SLC41A1: variants seen among roughly 807,000 people sequenced by gnomAD.
SLC41A1 encodes solute carrier family 41 (magnesium transporter), member 1.
A neutral mutation model predicts 47.3 loss-of-function variants in SLC41A1; 20 were observed. The ratio of observed to expected loss-of-function variants is 0.42; its 90% CI spans 0.30 to 0.61. SLC41A1 has a LOEUF of 0.61. Among genes scored for constraint, SLC41A1 ranks in the 20% least tolerant of loss-of-function variants. SLC41A1 has a pLI of 0.17. For synonymous variants in SLC41A1, 282 were observed against 272.7 expected (o/e 1.03, Z -0.34); for missense variants, 504 against 674.1 (o/e 0.75, Z 2.79).
At position 205,810,530 on chromosome 1, in the gene SLC41A1, G is replaced by C; in HGVS notation, c.-89C>G. The C allele has an allele frequency of 6.2e-7, 1 of 1,605,474 alleles. No homozygotes were observed. The highest frequency in any genetic ancestry group is 8.5e-7 in the Non-Finnish European group (1 of 1,177,942). ...CTAACTTGGGAAAGAACTTAGTCTTGGGGTGAACCCAGGCTTGGGCGCCGC... is the reference window on the plus strand; with the variant it reads ...CTAACTTGGGAAAGAACTTAGTCTTCGGGTGAACCCAGGCTTGGGCGCCGC... On this transcript the variant is annotated 5_prime_UTR_variant, in exon 2 of 11. Transcript: ENST00000367137. The surrounding 1 kb of genome is among the most constrained non-coding windows in gnomAD (Gnocchi z 5.5).
Position 205,813,086 on chromosome 1 carries a change from G to A in SLC41A1, c.-925C>T, listed in dbSNP as rs956547160. Reference sequence around the variant, plus strand: ...ATATCGCTTCGGGCCCGGCGGGGGGGCACCCGGACGGGGGACCGGGGAGCC... The same window carrying A: ...ATATCGCTTCGGGCCCGGCGGGGGGACACCCGGACGGGGGACCGGGGAGCC... On this transcript the variant is annotated 5_prime_UTR_variant, in exon 1 of 11. Transcript: ENST00000367137. The A allele has an allele frequency of 4.6e-5, 45 of 985,396 alleles. No individual in the cohort carries two copies. The highest frequency in any genetic ancestry group is 5.2e-4 in the Middle Eastern group (1 of 1,938). The allele number at this position is 985,396 out of a possible 1,614,324, so 61.0% of individuals were successfully genotyped here. A position where few individuals can be genotyped will look rare whatever the true frequency, so the allele number is the denominator to read the frequency against.
At chr1:205,807,650 CTTTTTTTT>C (rs71152452) in intron 2 of SLC41A1, among the ~76,000 whole-genome samples, 5 of 98,518 alleles carry the variant, frequency 5.1e-5, no homozygotes, top group African/African-American at 1.5e-4. Context: ...CTCGTAGAGT[CTTTTTTTT>C]TTTTTTTTTT....
chr1:205,798,842 G>C (rs774793294), intron 5 of SLC41A1, 27 bp from the exon 6 acceptor site: 1 of 1,614,178 alleles, frequency 6.2e-7, no homozygotes, highest in Admixed American at 1.7e-5. Context: ...AGGAGGGGCA[G>C]GCAGGGTGAG....
At position 205,810,249 on chromosome 1, in the gene SLC41A1, C is replaced by T. The variant is rs755881998; in HGVS notation, c.193G>A (p.Ala65Thr). The T allele has an allele frequency of 2.5e-6, 4 of 1,614,220 alleles. No individual in the cohort carries two copies. The highest frequency in any genetic ancestry group is 3.4e-6 in the Non-Finnish European group (4 of 1,180,038). ...ANAKGVREEDALLENGSQSNE... is the reference protein window; with the variant it reads ...ANAKGVREEDTLLENGSQSNE... ...CTCTGGCTCCCGTTCTCCAGCAGGG[C>T]GTCCTCCTCCCGAACCCCCTTGGCG... Residue 65 changes from alanine to threonine, a missense_variant, in exon 2 of 11, where the codon GCC becomes ACC. Transcript: ENST00000367137. The surrounding 1 kb of genome is among the most constrained non-coding windows in gnomAD (Gnocchi z 5.5).
At chr1:205,799,201 C>G (rs538454271) in intron 4 of SLC41A1, 100 bp from the exon 5 acceptor site, 2 of 1,513,648 alleles carry the variant, frequency 1.3e-6, no homozygotes, top group East Asian at 2.3e-5. Context: ...CTGGCAGTAG[C>G]CCCAGGAGGC....
At chr1:205,805,893 C>A (rs1339700263) in intron 2 of SLC41A1, among the ~76,000 whole-genome samples, 2 of 152,222 alleles carry the variant, frequency 1.3e-5, no homozygotes, top group African/African-American at 4.8e-5. Flanking sequence ...CTGGCCTGAG[C>A]CACCTCAGGA....
intron 2 of SLC41A1, among the ~76,000 whole-genome samples, chr1:205,809,517 C>G (rs962637335): frequency 6.6e-6 from 1 of 152,194 alleles, no homozygotes; most frequent in African/African-American, 2.4e-5. Flanking sequence ...CCCACCCCCA[C>G]CCCCCAAGGG....
rs1465674941 is a variant in SLC41A1, at chr1:205,790,207, TACA to T, written c.*1323_*1325del. On this transcript the variant is annotated 3_prime_UTR_variant, in exon 11 of 11. Coordinates refer to ENST00000367137, the MANE Select transcript of SLC41A1 (RefSeq NM_173854.6). Reference sequence around the variant, plus strand: ...CTGGCTTGAAGTAGATGCAAATACTTACAACGAGGAAACTTTCTCTGCCAGATT... The same window carrying T: ...CTGGCTTGAAGTAGATGCAAATACTTACGAGGAAACTTTCTCTGCCAGATT... 2 of 152,242 alleles carry T rather than the reference TACA, an allele frequency of 1.3e-5. No homozygotes were observed. Among genetic ancestry groups the T allele is most frequent in the Admixed American group, 6.5e-5 (1 of 15,282 alleles). The allele number at this position is 152,242 out of a possible 1,614,324, so 9.4% of individuals were successfully genotyped here.
chr1:205,799,939 T>C, intron 3 of SLC41A1, 109 bp from the exon 4 acceptor site: 1 of 916,170 alleles, frequency 1.1e-6, no homozygotes, highest in South Asian at 1.4e-5. Context: ...CCTAAGACTC[T>C]GAGAGCAGGA....
At chr1:205,801,129 G>T in intron 2 of SLC41A1, 69 bp from the exon 3 acceptor site, 2 of 1,266,046 alleles carry the variant, frequency 1.6e-6, no homozygotes, top group Non-Finnish European at 2.3e-6. Flanking sequence ...TCAACAGGTA[G>T]TCTGAGATCA....
chr1:205,795,289 C>T (rs1655719527), intron 9 of SLC41A1, 55 bp downstream of exon 9: 1 of 1,613,298 alleles, frequency 6.2e-7, no homozygotes, highest in Non-Finnish European at 8.5e-7. Context: ...AAGTGAAGCT[C>T]ACTGACAGTA....
intron 2 of SLC41A1, among the ~76,000 whole-genome samples, chr1:205,803,725 T>A (rs1655945032): frequency 6.7e-6 from 1 of 150,096 alleles, no homozygotes; most frequent in Non-Finnish European, 1.5e-5. Context: ...GCTCCAGCCA[T>A]CCTCCCATCT....
In SLC41A1 at chr1:205,798,649, C is replaced by A; in HGVS notation, c.844+20G>T. The stretch of plus-strand genomic sequence containing the variant: ...CAACCCCACCCAGGACTCCAAGAAG[C>A]CACACTCTTGGTGGCTCACTCAGTT... On this transcript the variant is annotated intron_variant, in intron 6 of 10. Coordinates refer to ENST00000367137, the MANE Select transcript of SLC41A1 (RefSeq NM_173854.6). 3 of 1,614,066 alleles carry A rather than the reference C, an allele frequency of 1.9e-6. No individual in the cohort carries two copies. Among genetic ancestry groups the A allele is most frequent in the Non-Finnish European group, 2.5e-6 (3 of 1,180,046 alleles).
chr1:205,799,012 G>T lies in SLC41A1; in HGVS notation c.642C>A (p.Ala214=). The change falls in exon 5 of 11, where the codon GCC becomes GCA. Residue 214 remains alanine (A), a synonymous_variant. Coordinates refer to ENST00000367137, the MANE Select transcript of SLC41A1 (RefSeq NM_173854.6). ...IPDGHFSIPH[A]FLLCASSVAT... is the part of the protein sequence containing the mutation. ...CCACGCTGCTAGCACAGAGCAGGAA[G>T]GCGTGCGGAATACTGAAGTGGCCAT... 1.9e-6 allele frequency: 3 copies of T among 1,614,034 alleles called. No individual in the cohort carries two copies. Among genetic ancestry groups the T allele is most frequent in the Non-Finnish European group, 2.5e-6 (3 of 1,180,034 alleles).
At chr1:205,798,609 T>C in intron 6 of SLC41A1, 60 bp downstream of exon 6, 1 of 1,612,404 alleles carries the variant, frequency 6.2e-7, no homozygotes, top group Non-Finnish European at 8.5e-7. Context: ...ATTTGCAAAC[T>C]ACTACCATCT....
chr1:205,801,292 C>T (rs558946113), intron 2 of SLC41A1: 39 of 495,390 alleles, frequency 7.9e-5, no homozygotes, highest in South Asian at 6.5e-4. Flanking sequence ...GGGTTTCTGC[C>T]GGTTGGGAGA....
At chr1:205,806,714 T>G (rs1390533810) in intron 2 of SLC41A1, among the ~76,000 whole-genome samples, 1 of 152,158 alleles carries the variant, frequency 6.6e-6, no homozygotes, top group Non-Finnish European at 1.5e-5. Context: ...GGAGGTCCAT[T>G]TATCCTTTTC....
chr1:205,808,966 C>G (rs1292526442), intron 2 of SLC41A1, among the ~76,000 whole-genome samples: 1 of 152,196 alleles, frequency 6.6e-6, no homozygotes, highest in Non-Finnish European at 1.5e-5. Context: ...TGGCTTGGCA[C>G]AGGGAAGGTG....
chr1:205,810,671 C>G lies in SLC41A1; in HGVS notation c.-230G>C. 1.6e-6 allele frequency: 1 copy of G among 612,884 alleles called. No homozygotes were observed. Among genetic ancestry groups the G allele is most frequent in the Non-Finnish European group, 2.8e-6 (1 of 353,412 alleles). 38.0% of individuals were successfully genotyped at this position (612,884 alleles called of 1,614,324 possible). A position where few individuals can be genotyped will look rare whatever the true frequency, so the allele number is the denominator to read the frequency against. ...CTGGGAAGAAACAAGAAATTCCTCA[C>G]CAGACAGCCACTAGGGGTGCAGATG... On this transcript the variant is annotated 5_prime_UTR_variant, in exon 2 of 11. Coordinates refer to ENST00000367137, the MANE Select transcript of SLC41A1 (RefSeq NM_173854.6). This position sits in a 1 kb window ranked among gnomAD's most constrained non-coding sequence, Gnocchi z 5.5.
Sources: allele counts gnomAD v4.1 joint callset (sites outside exome capture counted in the v4.1 genomes callset), GRCh38; gene constraint gnomAD v4.1.1; non-coding constraint Gnocchi (gnomAD v3.1); transcripts MANE v1.5; gene names NCBI Gene and HGNC (gene_info 2026-07-23, HGNC 2026-07-21).